Variants in TBCD observed in about 807,000 individuals in gnomAD.
The protein encoded by TBCD is tubulin-specific chaperone D.
In TBCD, 105 loss-of-function variants were observed where a neutral mutation model predicts 169.3. The observed-to-expected ratio is 0.62, with a 90% CI of 0.53 to 0.73. The LOEUF is 0.73. Among genes scored for constraint, TBCD ranks in the 30% least tolerant of loss-of-function variants. The pLI, the probability that TBCD is intolerant of heterozygous loss-of-function variation, is 0.00. For missense variants in TBCD, 1,444 were observed against 1,600.1 expected (o/e 0.90, Z 1.66); for synonymous variants, 700 against 643.9 (o/e 1.09, Z -1.32).
At chr17:82,803,629 C>G (rs551227499) in intron 9 of TBCD, among the ~76,000 whole-genome samples, 27 of 152,346 alleles carry the variant, frequency 1.8e-4, no homozygotes, top group Middle Eastern at 6.8e-3. Flanking sequence ...GTGGAGGTGG[C>G]CCACCTGCAG....
Position 82,831,495 on chromosome 17 carries a change from T to A in TBCD, c.1318+16561T>A. 6.2e-7 allele frequency: 1 copy of A among 1,613,980 alleles called. No homozygotes were observed. The highest frequency in any genetic ancestry group is 8.5e-7 in the Non-Finnish European group (1 of 1,180,002). On this transcript the variant is annotated intron_variant, in intron 13 of 38. Transcript: ENST00000355528. This position sits in a 1 kb window ranked among gnomAD's most constrained non-coding sequence, Gnocchi z 4.6. The stretch of plus-strand genomic sequence containing the variant: ...AAAATGCAGACTCTGGCCTGTAAAA[T>A]CCGTAAGGAATCGGCAGGTTAGAGG...
chr17:82,901,975 C>T (rs540240310), intron 18 of TBCD, among the ~76,000 whole-genome samples: 110 of 152,096 alleles, frequency 7.2e-4, no homozygotes, highest in Non-Finnish European at 1.3e-3. Flanking sequence ...CCCGTAGCGT[C>T]GGAGCTGTGG....
intron 13 of TBCD, among the ~76,000 whole-genome samples, chr17:82,867,007 C>T (rs1012805693): frequency 1.3e-5 from 2 of 152,238 alleles, no homozygotes; most frequent in African/African-American, 2.4e-5. Flanking sequence ...TGTTAGTGGA[C>T]GCTGTGTCTG....
intron 13 of TBCD, among the ~76,000 whole-genome samples, 145 bp from the exon 14 acceptor site, chr17:82,870,054 GCCGTGGGTCTAACAGGAGCCCCGAA>G: frequency 6.6e-6 from 1 of 152,322 alleles, no homozygotes; most frequent in Non-Finnish European, 1.5e-5. Context: ...TTCTGACCAG[GCCGTGGGTCTAACAGGAGCCCCGAA>G]CCTCTGGGTG....
chr17:82,855,993 C>CTTTTTTTTTT (rs60978063), intron 13 of TBCD, among the ~76,000 whole-genome samples: 25 of 66,278 alleles, frequency 3.8e-4, no homozygotes, highest in African/African-American at 7.7e-4. Context: ...TCCCCCCCCA[C>CTTTTTTTTTT]TTTTTTTTTT....
chr17:82,937,803 G>A, intron 35 of TBCD: 1 of 1,404,768 alleles, frequency 7.1e-7, no homozygotes, highest in Non-Finnish European at 9.5e-7. Context: ...AGGGCGAGCG[G>A]CCCTGCAGGA....
At chr17:82,911,543 C>T (rs984952650) in intron 22 of TBCD, among the ~76,000 whole-genome samples, 1 of 152,218 alleles carries the variant, frequency 6.6e-6, no homozygotes, top group Non-Finnish European at 1.5e-5. Context: ...AATTAAAAAT[C>T]AGCATCACCC....
Position 82,864,893 on chromosome 17 carries a change from T to C in TBCD, c.1319-5331T>C, listed in dbSNP as rs8071790. ...GGACAGCGGGGGCCTGCTCACTCCC[T>C]GGGGCACCGTGGGGACAGCGGGGGC... On this transcript the variant is annotated intron_variant, in intron 13 of 38. Transcript: ENST00000355528. The surrounding 1 kb of genome is among the most constrained non-coding windows in gnomAD (Gnocchi z 6.3). 0.32 allele frequency among the ~76,000 whole-genome samples: 6,938 copies of C among 21,802 alleles called. 476 individuals are homozygous for C. The highest frequency in any genetic ancestry group is 0.38 in the African/African-American group (3,496 of 9,138). 14.3% of individuals were successfully genotyped at this position (21,802 alleles called of 152,430 possible). A position where few individuals can be genotyped will look rare whatever the true frequency, so the allele number is the denominator to read the frequency against.
chr17:82,865,714 C>CT (rs2057124054), intron 13 of TBCD, among the ~76,000 whole-genome samples: 1 of 152,200 alleles, frequency 6.6e-6, no homozygotes. Flanking sequence ...TATCAGAAGG[C>CT]GTAACTATAT....
At chr17:82,798,989 C>T (rs970174329) in intron 8 of TBCD, among the ~76,000 whole-genome samples, 10 of 152,166 alleles carry the variant, frequency 6.6e-5, no homozygotes, top group African/African-American at 2.4e-4. Context: ...CCTGCCTTGG[C>T]CTCCCAAAGT....
At chr17:82,791,819 G>T (rs913471861) in intron 7 of TBCD, among the ~76,000 whole-genome samples, 1 of 152,166 alleles carries the variant, frequency 6.6e-6, no homozygotes, top group Non-Finnish European at 1.5e-5. Flanking sequence ...TGTGAACACC[G>T]TAGCGTGCAC....
intron 13 of TBCD, among the ~76,000 whole-genome samples, chr17:82,859,997 C>G (rs2056624072): frequency 6.6e-6 from 1 of 152,194 alleles, no homozygotes; most frequent in Admixed American, 6.5e-5. Context: ...GGTGTCAGCT[C>G]CAGCATGGCG....
At chr17:82,779,716 G>T (rs2048822881) in intron 6 of TBCD, among the ~76,000 whole-genome samples, 1 of 152,242 alleles carries the variant, frequency 6.6e-6, no homozygotes, top group Non-Finnish European at 1.5e-5. Context: ...GGATGTGCTG[G>T]AACAAGGGCC....
At chr17:82,758,256 C>T (rs186485580) in intron 2 of TBCD, among the ~76,000 whole-genome samples, 1 of 151,256 alleles carries the variant, frequency 6.6e-6, no homozygotes, top group Admixed American at 6.6e-5. Context: ...GCGTGTGGTG[C>T]ACGCCTGTAA....
Position 82,903,546 on chromosome 17 carries a change from T to C in TBCD, c.1804+68T>C. 1.4e-6 allele frequency: 2 copies of C among 1,464,780 alleles called. No homozygotes were observed. The highest frequency in any genetic ancestry group is 2.5e-5 in the South Asian group (2 of 80,912). The allele number at this position is 1,464,780 out of a possible 1,614,324, so 90.7% of individuals were successfully genotyped here. A position where few individuals can be genotyped will look rare whatever the true frequency, so the allele number is the denominator to read the frequency against. On this transcript the variant is annotated intron_variant, in intron 19 of 38. Coordinates refer to ENST00000355528, the MANE Select transcript of TBCD (RefSeq NM_005993.5). The surrounding 1 kb of genome is among the most constrained non-coding windows in gnomAD (Gnocchi z 4.8). ...CTGCAGAAAGGCCTGGGTTGCTGGT[T>C]TCAAAGGCTGGGGGCTGAAAATAAG...
At position 82,889,334 on chromosome 17, in the gene TBCD, G is replaced by A. The variant is rs2058968889; in HGVS notation, c.1534-334G>A. ...GCCTCACTCCTGAGGAAGAGTGTTC[G>A]GGCTCTGGGCTTTGATTTAACCTGC... is the stretch of plus-strand genomic sequence containing the variant. On this transcript the variant is annotated intron_variant, in intron 15 of 38. Transcript: ENST00000355528. The surrounding 1 kb of genome is among the most constrained non-coding windows in gnomAD (Gnocchi z 5.3). 6.6e-6 allele frequency among the ~76,000 whole-genome samples: 1 copy of A among 152,090 alleles called. No homozygotes were observed. The highest frequency in any genetic ancestry group is 1.5e-5 in the Non-Finnish European group (1 of 67,998).
intron 13 of TBCD, among the ~76,000 whole-genome samples, chr17:82,850,031 TGCTGTTGTTGGCTGTGCTGTTGTTG>T (rs1567886951): frequency 4.5e-4 from 46 of 102,298 alleles, no homozygotes; most frequent in South Asian, 3.8e-3. Flanking sequence ...TTGTTGGCTG[TGCTGTTGTTGGCTGTGCTGTTGTTG>T]GCTGTGCTGC....
At chr17:82,763,205 A>G (rs568196127) in intron 2 of TBCD, among the ~76,000 whole-genome samples, 4 of 152,220 alleles carry the variant, frequency 2.6e-5, no homozygotes, top group Admixed American at 1.3e-4. Context: ...CTTATTTTGA[A>G]GCTCTGTAGG....
At chr17:82,925,124 A>G (rs2147219437) in intron 27 of TBCD, 67 bp downstream of exon 27, 2 of 1,258,904 alleles carry the variant, frequency 1.6e-6, no homozygotes, top group Non-Finnish European at 2.2e-6. Flanking sequence ...GTGTTGGGGC[A>G]TGAGGTAGGC....
Sources: allele counts gnomAD v4.1 joint callset (sites outside exome capture counted in the v4.1 genomes callset), GRCh38; gene constraint gnomAD v4.1.1; non-coding constraint Gnocchi (gnomAD v3.1); transcripts MANE v1.5; gene names NCBI Gene and HGNC (gene_info 2026-07-23, HGNC 2026-07-21).